CADPS2: variants seen among roughly 807,000 people sequenced by gnomAD.
CADPS2 encodes the protein calcium dependent secretion activator 2.
Under a neutral mutation model 172.5 loss-of-function variants are expected in CADPS2, and 93 were observed. That is an observed-to-expected ratio of 0.54 (90% CI 0.46 to 0.64). The LOEUF (loss-of-function observed/expected upper bound fraction) is 0.64, where lower values mean the gene tolerates loss of function less well. CADPS2 is among the 30% of genes least tolerant of loss of function. CADPS2 has a pLI of 0.00. For missense variants in CADPS2, 1,420 were observed against 1,565.9 expected, an observed-to-expected ratio of 0.91 and a Z score of 1.57; for synonymous variants, 546 against 555.2, an observed-to-expected ratio of 0.98 and a Z score of 0.23.
chr7:122,551,465 AT>A (rs1386068085), intron 8 of CADPS2, among the ~76,000 whole-genome samples: 3 of 152,032 alleles, frequency 2.0e-5, no homozygotes, highest in Non-Finnish European at 2.9e-5. Context: ...TGATAAAAAT[AT>A]TTTTTAGGGG....
At chr7:122,582,485 A>G (rs2068976139) in intron 6 of CADPS2, among the ~76,000 whole-genome samples, 1 of 152,048 alleles carries the variant, frequency 6.6e-6, no homozygotes, top group African/African-American at 2.4e-5. Flanking sequence ...AGGGAAGAAA[A>G]CAGCTTAATT....
chr7:122,401,188 T>C (rs570952292), intron 20 of CADPS2, among the ~76,000 whole-genome samples: 7 of 152,334 alleles, frequency 4.6e-5, no homozygotes, highest in East Asian at 3.9e-4. Flanking sequence ...TCTTCGAGAA[T>C]AGGTTTTCAC....
intron 1 of CADPS2, among the ~76,000 whole-genome samples, chr7:122,873,503 T>C (rs1257634991): frequency 1.3e-5 from 2 of 152,220 alleles, no homozygotes; most frequent in Non-Finnish European, 2.9e-5. Context: ...CATGAACTCA[T>C]CCTTTGTTAT....
chr7:122,564,695 CAA>C (rs1194035737), intron 7 of CADPS2, among the ~76,000 whole-genome samples: 2 of 152,032 alleles, frequency 1.3e-5, no homozygotes, highest in Admixed American at 6.6e-5. Context: ...ATCAGTATAT[CAA>C]AAAGACACCT....
At chr7:122,798,106 T>TA (rs201018789) in intron 1 of CADPS2, among the ~76,000 whole-genome samples, 41 of 150,762 alleles carry the variant, frequency 2.7e-4, no homozygotes, top group East Asian at 2.5e-3. Context: ...GTTGTTGCAT[T>TA]AAAAAAAAAC....
intron 1 of CADPS2, among the ~76,000 whole-genome samples, chr7:122,790,073 C>CA (rs1794951869): frequency 8.8e-6 from 1 of 113,328 alleles, no homozygotes; most frequent in Non-Finnish European, 1.7e-5. Context: ...GTCTTTGTAT[C>CA]AAAGTTTGCA....
intron 1 of CADPS2, among the ~76,000 whole-genome samples, chr7:122,808,922 T>C (rs1799393192): frequency 6.6e-6 from 1 of 152,188 alleles, no homozygotes; most frequent in African/African-American, 2.4e-5. Context: ...TATGTATGTA[T>C]ATAAAAGTTC....
At position 122,393,575 on chromosome 7, in the gene CADPS2, C is replaced by T; in HGVS notation, c.2754G>A (p.Leu918=). 1 of 1,613,642 alleles carries T rather than the reference C, an allele frequency of 6.2e-7. No individual in the cohort carries two copies. Among genetic ancestry groups the T allele is most frequent in the Non-Finnish European group, 8.5e-7 (1 of 1,179,742 alleles). Residue 918 remains leucine (L), a synonymous_variant, in exon 21 of 30, where the codon TTG becomes TTA. Coordinates refer to ENST00000449022, the MANE Select transcript of CADPS2 (RefSeq NM_017954.11). ...AGTGTTTGTGAAATTTTCCATTACA[C>T]AAAAGTGCTGAAATAGCCAAGCAGA... The part of the protein sequence containing the change: ...LNNFLRNDTL[L]CNGKFHKHLQ...
intron 2 of CADPS2, chr7:122,698,294 G>GA: frequency 1.2e-6 from 2 of 1,614,004 alleles, no homozygotes; most frequent in South Asian, 1.1e-5. Context: ...CTATGAATGT[G>GA]ATAAAAGATG....
chr7:122,422,522 GC>G (rs2048646284), intron 17 of CADPS2, among the ~76,000 whole-genome samples: 2 of 152,084 alleles, frequency 1.3e-5, no homozygotes, highest in Admixed American at 6.6e-5. Context: ...GAAATATAAA[GC>G]AACATTACAT....
intron 1 of CADPS2, among the ~76,000 whole-genome samples, chr7:122,863,987 G>A (rs958604484): frequency 1.3e-5 from 2 of 152,134 alleles, no homozygotes; most frequent in African/African-American, 2.4e-5. Flanking sequence ...CTGAAATCAC[G>A]CCACTGCACT....
At chr7:122,586,753 A>G (rs2069763400) in intron 6 of CADPS2, among the ~76,000 whole-genome samples, 1 of 151,950 alleles carries the variant, frequency 6.6e-6, no homozygotes, top group Non-Finnish European at 1.5e-5. Context: ...AAAAACACAC[A>G]TTCCTTAATT....
At chr7:122,850,060 G>A in intron 1 of CADPS2, 1 of 1,353,938 alleles carries the variant, frequency 7.4e-7, no homozygotes, top group Non-Finnish European at 9.7e-7. Context: ...GAAGACCTGG[G>A]GGCCTTGCTT....
At chr7:122,876,808 T>G (rs1162870408) in intron 1 of CADPS2, among the ~76,000 whole-genome samples, 1 of 152,194 alleles carries the variant, frequency 6.6e-6, no homozygotes, top group African/African-American at 2.4e-5. Flanking sequence ...AATTATCATA[T>G]TTTAATTTTG....
intron 1 of CADPS2, among the ~76,000 whole-genome samples, chr7:122,880,891 T>C (rs1278679425): frequency 1.3e-5 from 2 of 152,222 alleles, no homozygotes; most frequent in East Asian, 3.8e-4. Flanking sequence ...TTTGTCCCAC[T>C]GATATGTCCA....
Position 122,537,494 on chromosome 7 carries a change from T to C in CADPS2, c.1475+17056A>G, listed in dbSNP as rs963245599. ...CAACATAAGCAGAAAAAAAGCTCTT[T>C]TGAGGTGAAACAACTGCAAAAGAAT... On this transcript the variant is annotated intron_variant, in intron 8 of 29. Transcript: ENST00000449022. 6.6e-5 allele frequency among the ~76,000 whole-genome samples: 10 copies of C among 151,944 alleles called. No individual in the cohort carries two copies. In the East Asian group the frequency reaches 1.4e-3, roughly 21 times the overall value.
At chr7:122,705,056 G>C (rs965421190) in intron 2 of CADPS2, among the ~76,000 whole-genome samples, 3 of 151,874 alleles carry the variant, frequency 2.0e-5, no homozygotes, top group African/African-American at 2.4e-5. Context: ...ATAAATTCTC[G>C]ACACAAAATA....
intron 1 of CADPS2, among the ~76,000 whole-genome samples, chr7:122,827,811 A>G (rs1428716037): frequency 6.6e-6 from 1 of 152,242 alleles, no homozygotes; most frequent in East Asian, 1.9e-4. Context: ...ACTCATGTCT[A>G]TAATTGCAAA....
intron 2 of CADPS2, chr7:122,701,725 G>A (rs1248704463): frequency 4.4e-6 from 3 of 688,810 alleles, no homozygotes; most frequent in Non-Finnish European, 7.2e-6. Context: ...TTCATACTTG[G>A]GTAGAGAAGC....
Sources: gnomAD v4.1 joint callset for allele counts (sites outside exome capture counted in the v4.1 genomes callset) on GRCh38, gnomAD v4.1.1 for gene constraint, MANE v1.5 for transcripts, NCBI Gene and HGNC (gene_info 2026-07-23, HGNC 2026-07-21) for gene names.